The following SHANK2 variants were observed in gnomAD, a reference collection of about 807,000 sequenced individuals.
SHANK2 encodes SH3 and multiple ankyrin repeat domains protein 2.
SHANK2 carries 43 observed loss-of-function variants against 133.7 expected under a neutral mutation model. The observed-to-expected ratio is 0.32, with a 90% CI of 0.25 to 0.41. The LOEUF (loss-of-function observed/expected upper bound fraction) is 0.41, where lower values mean the gene tolerates loss of function less well. Ranked by LOEUF, SHANK2 falls within the 10% of genes least tolerant of loss-of-function variation. The pLI, the probability that SHANK2 is intolerant of heterozygous loss-of-function variation, is 1.00. For synonymous variants in SHANK2, 1,017 were observed against 952.8 expected, an observed-to-expected ratio of 1.07 and a Z score of -1.24; for missense variants, 1,994 against 2,235.8, an observed-to-expected ratio of 0.89 and a Z score of 2.18.
At chr11:70,638,657 A>G (rs2061137772) in intron 17 of SHANK2, among the ~76,000 whole-genome samples, 1 of 152,186 alleles carries the variant, frequency 6.6e-6, no homozygotes, top group African/African-American at 2.4e-5. Flanking sequence ...TGAATTTCCA[A>G]CAAATATAAT....
At chr11:70,826,560 A>T (rs1381530516) in intron 11 of SHANK2, 3 of 470,840 alleles carry the variant, frequency 6.4e-6, no homozygotes, top group Non-Finnish European at 1.3e-5. Context: ...GGATGGGAGG[A>T]AGGACAGGCG....
chr11:70,631,536 G>T (rs1298616848), intron 17 of SHANK2, among the ~76,000 whole-genome samples: 1 of 152,164 alleles, frequency 6.6e-6, no homozygotes, highest in African/African-American at 2.4e-5. Flanking sequence ...AAGTCCCAGC[G>T]GACAGTGAGT....
chr11:70,916,086 A>G (rs553785957), intron 10 of SHANK2, among the ~76,000 whole-genome samples: 244 of 152,318 alleles, frequency 1.6e-3, no homozygotes, highest in Non-Finnish European at 3.1e-3. Context: ...GAAAAGAATT[A>G]GAGAAGAATG....
intron 3 of SHANK2, among the ~76,000 whole-genome samples, chr11:71,123,706 T>G (rs1232086090): frequency 6.6e-6 from 1 of 152,180 alleles, no homozygotes; most frequent in Non-Finnish European, 1.5e-5. Flanking sequence ...CTTTATAATT[T>G]GTTAGAGATG....
intron 17 of SHANK2, among the ~76,000 whole-genome samples, chr11:70,640,108 T>A (rs1555005797): frequency 6.6e-6 from 1 of 152,194 alleles, no homozygotes. Flanking sequence ...TGCAGTGGGC[T>A]GAGTGGTGTC....
chr11:70,899,428 T>C (rs1052609308), intron 10 of SHANK2, among the ~76,000 whole-genome samples: 2 of 152,194 alleles, frequency 1.3e-5, no homozygotes, highest in Non-Finnish European at 2.9e-5. Context: ...AAACCTCTTT[T>C]CTTTATAAAT....
intron 25 of SHANK2, among the ~76,000 whole-genome samples, chr11:70,476,122 G>C (rs2058660007): frequency 6.6e-6 from 1 of 152,124 alleles, no homozygotes. Flanking sequence ...CCAGCTACTG[G>C]GAGGCTGAGG....
At chr11:70,491,960 CG>C (rs2058892643) in intron 22 of SHANK2, among the ~76,000 whole-genome samples, 1 of 152,248 alleles carries the variant, frequency 6.6e-6, no homozygotes, top group African/African-American at 2.4e-5. Flanking sequence ...GTGGGACAGA[CG>C]GCCTCTTCCA....
At chr11:70,680,540 C>T (rs1193270461) in intron 15 of SHANK2, among the ~76,000 whole-genome samples, 1 of 152,184 alleles carries the variant, frequency 6.6e-6, no homozygotes, top group Non-Finnish European at 1.5e-5. Context: ...TGATGAGGAT[C>T]CCTGTGATGG....
At chr11:70,902,525 C>G (rs1276690290) in intron 10 of SHANK2, among the ~76,000 whole-genome samples, 1 of 152,220 alleles carries the variant, frequency 6.6e-6, no homozygotes, top group Non-Finnish European at 1.5e-5. Context: ...TTAGCTCTTG[C>G]CCCAAGACAG....
Position 70,580,860 on chromosome 11 carries a change from G to A in SHANK2, c.2062-77929C>T, listed in dbSNP as rs973251752. 2.0e-5 allele frequency among the ~76,000 whole-genome samples: 3 copies of A among 152,320 alleles called. No homozygotes were observed. In the East Asian group the frequency reaches 5.8e-4, roughly 30 times the overall value. ...AGTTTGGCTGGGGGGACCCTGGGGG[G>A]CTCACCTCCTGTTCCCTCTGTGGGT... On this transcript the variant is annotated intron_variant, in intron 17 of 25. Transcript: ENST00000601538.
chr11:70,673,908 T>C (rs782190175), intron 15 of SHANK2, among the ~76,000 whole-genome samples: 3 of 152,232 alleles, frequency 2.0e-5, no homozygotes, highest in Non-Finnish European at 4.4e-5. Context: ...AGGAGGCTCA[T>C]ATAATTTGGC....
chr11:70,728,864 C>T (rs561886037), intron 14 of SHANK2, among the ~76,000 whole-genome samples: 1 of 152,296 alleles, frequency 6.6e-6, no homozygotes, highest in Admixed American at 6.5e-5. Flanking sequence ...AAATGATCCT[C>T]CCAGTGGGAG....
chr11:70,661,550 C>T, intron 16 of SHANK2, 46 bp downstream of exon 16: 1 of 1,111,382 alleles, frequency 9.0e-7, no homozygotes, highest in South Asian at 1.3e-5. Flanking sequence ...CACACACACA[C>T]ACACAAACAT....
At position 70,485,422 on chromosome 11, in the gene SHANK2, A is replaced by G; in HGVS notation, c.4871T>C (p.Ile1624Thr). 1 of 1,613,868 alleles carries G rather than the reference A, an allele frequency of 6.2e-7. No homozygotes were observed. ...PILSGPKANV[I>T]SELNSILQQM... is the part of the protein sequence containing the mutation. ...CTGTAGGATAGAGTTCAATTCACTA[A>G]TAACGTTTGCCTTTGGGCCTGAGAG... Residue 1624 changes from isoleucine (I) to threonine (T), a missense_variant, in exon 25 of 26, where the codon ATT becomes ACT. Coordinates refer to ENST00000601538, the MANE Select transcript of SHANK2 (RefSeq NM_012309.5). The surrounding 1 kb of genome is among the most constrained non-coding windows in gnomAD (Gnocchi z 5.8).
chr11:71,107,095 A>G (rs1555098067), intron 6 of SHANK2, among the ~76,000 whole-genome samples: 1 of 152,120 alleles, frequency 6.6e-6, no homozygotes, highest in East Asian at 1.9e-4. Flanking sequence ...AGCCTGGGTA[A>G]CAGGGGGAGA....
rs187031231 is a variant in SHANK2, at chr11:70,793,197, A to T, written c.1777+5246T>A. ...AACATGGGTTTGAACTGCATGGGTC[A>T]ACTTACATGTGGATTTTTCAACTAA... On this transcript the variant is annotated intron_variant, in intron 14 of 25. Transcript: ENST00000601538. 2.0e-3 allele frequency among the ~76,000 whole-genome samples: 298 copies of T among 152,366 alleles called. 1 individual carries two copies. The highest frequency in any genetic ancestry group is 0.017 in the Admixed American group (262 of 15,306).
At chr11:70,534,493 C>G (rs546084387) in intron 17 of SHANK2, among the ~76,000 whole-genome samples, 1 of 152,296 alleles carries the variant, frequency 6.6e-6, no homozygotes, top group African/African-American at 2.4e-5. Flanking sequence ...TCACTAAGTC[C>G]TTGCTCAGCC....
chr11:70,929,657 G>GGACCCTT (rs1226888732), intron 10 of SHANK2, among the ~76,000 whole-genome samples: 4 of 152,222 alleles, frequency 2.6e-5, no homozygotes, highest in African/African-American at 9.6e-5. Flanking sequence ...CCTCTTATAA[G>GGACCCTT]GACCCTTGTG....
Sources: allele counts gnomAD v4.1 joint callset (sites outside exome capture counted in the v4.1 genomes callset), GRCh38; gene constraint gnomAD v4.1.1; non-coding constraint Gnocchi (gnomAD v3.1); transcripts MANE v1.5; gene names NCBI Gene and HGNC (gene_info 2026-07-23, HGNC 2026-07-21).